Variants in TNRC6B observed in about 807,000 individuals in gnomAD.
The protein encoded by TNRC6B is trinucleotide repeat containing adaptor 6B, also known as trinucleotide repeat-containing gene 6B protein.
A neutral mutation model predicts 203.6 loss-of-function variants in TNRC6B; 52 were observed. The ratio of observed to expected loss-of-function variants is 0.26; its 90% CI spans 0.20 to 0.32. TNRC6B has a LOEUF of 0.32. TNRC6B is among the 10% of genes least tolerant of loss of function. TNRC6B has a pLI of 1.00. For missense variants in TNRC6B, 1,923 were observed against 2,286.2 expected, an observed-to-expected ratio of 0.84 and a Z score of 3.24; for synonymous variants, 838 against 845.7, an observed-to-expected ratio of 0.99 and a Z score of 0.16.
At chr22:40,047,794 A>G (rs190213029) in intron 1 of TNRC6B, among the ~76,000 whole-genome samples, 8 of 152,204 alleles carry the variant, frequency 5.3e-5, no homozygotes, top group Admixed American at 4.6e-4. Flanking sequence ...GCTATTGTGT[A>G]TTGTGATAAA....
At chr22:40,073,615 T>C (rs1412055196) in intron 1 of TNRC6B, among the ~76,000 whole-genome samples, 1 of 152,126 alleles carries the variant, frequency 6.6e-6, no homozygotes, top group Non-Finnish European at 1.5e-5. Flanking sequence ...AAATAAACCA[T>C]TAAGTGGTAC....
chr22:40,099,631 T>C (rs953513247), intron 1 of TNRC6B, among the ~76,000 whole-genome samples: 3 of 152,256 alleles, frequency 2.0e-5, no homozygotes, highest in Admixed American at 1.3e-4. Context: ...AGCATTTGCA[T>C]TGTATTAGAT....
At position 40,266,303 on chromosome 22, in the gene TNRC6B, C is replaced by A. The variant is rs763336291; in HGVS notation, c.2073C>A (p.Asp691Glu). The A allele has an allele frequency of 1.3e-6, 2 of 1,594,654 alleles. No homozygotes were observed. The highest frequency in any genetic ancestry group is 1.3e-5 in the African/African-American group (1 of 74,612). Residue 691 changes from aspartate (D) to glutamate (E), a missense_variant, in exon 5 of 23, where the codon GAC becomes GAA. Asp to Glu is a conservative substitution (Grantham distance 45, BLOSUM62 2). Transcript: ENST00000454349. Reference sequence around the variant, plus strand: ...TCTCAGCCTCTACAGAGTGGAAAGACCCCAAGAACACAGGAGGCTGGAATG... The same window carrying A: ...TCTCAGCCTCTACAGAGTGGAAAGAACCCAAGAACACAGGAGGCTGGAATG... ...GELSASTEWKDPKNTGGWNDY... is the reference protein window; with the variant it reads ...GELSASTEWKEPKNTGGWNDY...
At chr22:40,177,008 T>G (rs112228024), upstream of TNRC6B, among the ~76,000 whole-genome samples, 1,255 of 152,258 alleles carry the variant, frequency 8.2e-3, 9 homozygotes, top group Middle Eastern at 0.031. Flanking sequence ...GTAAGGGACT[T>G]ACTTACTTGC....
chr22:40,048,438 G>A (rs1019567634), intron 1 of TNRC6B, among the ~76,000 whole-genome samples: 3 of 151,858 alleles, frequency 2.0e-5, no homozygotes, highest in African/African-American at 7.3e-5. Flanking sequence ...TTACTCGGGA[G>A]CCTGACGCAG....
Position 40,266,146 on chromosome 22 carries a change from T to C in TNRC6B, c.1916T>C (p.Val639Ala). 1 of 1,613,676 alleles carries C rather than the reference T, an allele frequency of 6.2e-7. No homozygotes were observed. Among genetic ancestry groups the C allele is most frequent in the Non-Finnish European group, 8.5e-7 (1 of 1,179,820 alleles). Residue 639 changes from valine to alanine, a missense_variant, in exon 5 of 23, where the codon GTG becomes GCG. Coordinates refer to ENST00000454349, the MANE Select transcript of TNRC6B (RefSeq NM_001162501.2). ...KQDTVWDIEEVPRPEGKSDKG... is the reference protein window; with the variant it reads ...KQDTVWDIEEAPRPEGKSDKG... Reference sequence around the variant, plus strand: ...GACACAGTGTGGGACATTGAAGAGGTGCCAAGGCCTGAGGGGAAATCTGAC... The same window carrying C: ...GACACAGTGTGGGACATTGAAGAGGCGCCAAGGCCTGAGGGGAAATCTGAC...
intron 1 of TNRC6B, among the ~76,000 whole-genome samples, chr22:40,238,150 C>T (rs1421187501): frequency 6.6e-6 from 1 of 152,088 alleles, no homozygotes; most frequent in East Asian, 1.9e-4. Context: ...GTTTGTGCCA[C>T]GGACATAGGG....
chr22:40,259,335 G>T (rs1475315553), intron 3 of TNRC6B, among the ~76,000 whole-genome samples: 1 of 151,734 alleles, frequency 6.6e-6, no homozygotes, highest in East Asian at 1.9e-4. Context: ...AGCAATTCTC[G>T]TCCTCAGCCT....
chr22:40,102,289 T>C (rs990295071), intron 1 of TNRC6B, among the ~76,000 whole-genome samples: 9 of 152,244 alleles, frequency 5.9e-5, no homozygotes, highest in African/African-American at 2.2e-4. Context: ...TGTGTGTTTG[T>C]ACAGGTGGGA....
At chr22:40,294,563 C>T (rs1286256342) in intron 12 of TNRC6B, among the ~76,000 whole-genome samples, 1 of 152,280 alleles carries the variant, frequency 6.6e-6, no homozygotes, top group East Asian at 1.9e-4. Context: ...AATTTATGGG[C>T]AACACTATGT....
chr22:40,128,306 A>C (rs549094364), intron 3 of TNRC6B, among the ~76,000 whole-genome samples: 1 of 152,260 alleles, frequency 6.6e-6, no homozygotes, highest in Admixed American at 6.5e-5. Context: ...ATCAATCAAT[A>C]AAATCTTATA....
chr22:40,077,032 GAAAA>G (rs2068020744), intron 1 of TNRC6B, among the ~76,000 whole-genome samples: 1 of 126,348 alleles, frequency 7.9e-6, no homozygotes, highest in African/African-American at 2.9e-5. Flanking sequence ...GAGAAAAAAA[GAAAA>G]AAGAAAAGGA....
chr22:40,081,684 A>G (rs529635469), intron 1 of TNRC6B, among the ~76,000 whole-genome samples: 1 of 152,342 alleles, frequency 6.6e-6, no homozygotes, highest in South Asian at 2.1e-4. Flanking sequence ...CCTCCTTTAT[A>G]GGGTTCTTGT....
intron 1 of TNRC6B, among the ~76,000 whole-genome samples, chr22:40,199,833 G>A (rs1465064738): frequency 6.6e-6 from 1 of 151,900 alleles, no homozygotes; most frequent in Admixed American, 6.6e-5. Flanking sequence ...TGGCTCTGTC[G>A]CCCAGGCTGG....
At chr22:40,221,190 A>C (rs925799129) in intron 1 of TNRC6B, among the ~76,000 whole-genome samples, 18 of 152,136 alleles carry the variant, frequency 1.2e-4, no homozygotes, top group Non-Finnish European at 1.6e-4. Context: ...GTGACACAGC[A>C]TGGCGGGTAG....
intron 1 of TNRC6B, among the ~76,000 whole-genome samples, chr22:40,210,527 A>T (rs1448718973): frequency 1.3e-5 from 2 of 152,318 alleles, no homozygotes; most frequent in Admixed American, 6.5e-5. Flanking sequence ...AACTGTTAAC[A>T]CTTTGGTAAA....
At chr22:40,206,032 A>C (rs1018889038) in intron 1 of TNRC6B, among the ~76,000 whole-genome samples, 1 of 152,240 alleles carries the variant, frequency 6.6e-6, no homozygotes, top group African/African-American at 2.4e-5. Flanking sequence ...TTTAAGCCTC[A>C]GTTTTCTCAA....
At chr22:40,253,846 A>G (rs1293632179) in intron 3 of TNRC6B, among the ~76,000 whole-genome samples, 3 of 152,108 alleles carry the variant, frequency 2.0e-5, no homozygotes, top group Non-Finnish European at 4.4e-5. Context: ...CTCAGCTGAC[A>G]TGTCTGGGGA....
At chr22:40,156,440 G>T (rs768969594) in intron 4 of TNRC6B, among the ~76,000 whole-genome samples, 8 of 152,174 alleles carry the variant, frequency 5.3e-5, no homozygotes, top group Non-Finnish European at 8.8e-5. Flanking sequence ...TTAAGGCTCA[G>T]TATGTTCCAA....
Sources: allele counts gnomAD v4.1 joint callset (sites outside exome capture counted in the v4.1 genomes callset), GRCh38; gene constraint gnomAD v4.1.1; transcripts MANE v1.5; gene names NCBI Gene and HGNC (gene_info 2026-07-23, HGNC 2026-07-21).